CDH12: variants seen among roughly 807,000 people sequenced by gnomAD.
CDH12 encodes cadherin-12.
CDH12 carries 41 observed loss-of-function variants against 74.1 expected under a neutral mutation model. The observed-to-expected ratio is 0.55, with a 90% confidence interval of 0.43 to 0.72. The LOEUF (loss-of-function observed/expected upper bound fraction) is 0.72, where lower values mean the gene tolerates loss of function less well. Among genes scored for constraint, CDH12 ranks in the 30% least tolerant of loss-of-function variants. The pLI is 0.00. For missense variants in CDH12, 945 were observed against 977.2 expected (o/e 0.97, Z 0.44); for synonymous variants, 399 against 355.0 (o/e 1.12, Z -1.39).
chr5:21,750,737 C>G lies in CDH12; in HGVS notation c.*1000G>C, dbSNP rs1055912130. 7.2e-5 allele frequency: 11 copies of G among 152,058 alleles called. No individual in the cohort carries two copies. The highest frequency in any genetic ancestry group is 7.2e-4 in the Admixed American group (11 of 15,242). The allele number at this position is 152,058 out of a possible 1,614,324, so 9.4% of individuals were successfully genotyped here. ...CTCTGAGAAACTGTATAATGAATTTCTCTTTCCATGCTTAAATGAATGGCA... is the reference window on the plus strand; with the variant it reads ...CTCTGAGAAACTGTATAATGAATTTGTCTTTCCATGCTTAAATGAATGGCA... On this transcript the variant is annotated 3_prime_UTR_variant, in exon 15 of 15. Coordinates refer to ENST00000382254, the MANE Select transcript of CDH12 (RefSeq NM_004061.5).
At chr5:21,920,530 G>A (rs954733100) in intron 6 of CDH12, among the ~76,000 whole-genome samples, 1 of 152,048 alleles carries the variant, frequency 6.6e-6, no homozygotes, top group Admixed American at 6.6e-5. Context: ...GCCTGTCAGG[G>A]TGTGGGGGCC....
intron 1 of CDH12, among the ~76,000 whole-genome samples, chr5:22,641,160 T>C (rs1739129114): frequency 1.3e-5 from 2 of 152,148 alleles, no homozygotes; most frequent in African/African-American, 4.8e-5. Flanking sequence ...TACAAAAGGC[T>C]GTCTGCAAAC....
At chr5:21,865,080 C>G (rs1751256124) in intron 6 of CDH12, among the ~76,000 whole-genome samples, 1 of 151,992 alleles carries the variant, frequency 6.6e-6, no homozygotes, top group African/African-American at 2.4e-5. Flanking sequence ...TTTCAAATAA[C>G]TGGTAGAATT....
chr5:22,696,868 C>T (rs1386750743), intron 1 of CDH12, among the ~76,000 whole-genome samples: 3 of 151,906 alleles, frequency 2.0e-5, no homozygotes. Context: ...AATTCCATTT[C>T]TATTGAAACA....
intron 1 of CDH12, among the ~76,000 whole-genome samples, chr5:22,781,785 C>G (rs1747396920): frequency 6.6e-6 from 1 of 152,022 alleles, no homozygotes; most frequent in African/African-American, 2.4e-5. Flanking sequence ...GAATAGCAGA[C>G]AAGGGATTGG....
chr5:21,908,308 T>C (rs1347950511), intron 6 of CDH12, among the ~76,000 whole-genome samples: 1 of 152,200 alleles, frequency 6.6e-6, no homozygotes, highest in East Asian at 1.9e-4. Context: ...AGGACAATGT[T>C]ATGTAACAAA....
At chr5:21,783,625 T>A in intron 10 of CDH12, 131 bp from the exon 11 acceptor site, 1 of 656,180 alleles carries the variant, frequency 1.5e-6, no homozygotes, top group South Asian at 1.9e-5. Context: ...AAGAAGACTG[T>A]AAATGACAGC....
intron 1 of CDH12, among the ~76,000 whole-genome samples, chr5:22,771,646 G>A (rs2126311368): frequency 6.6e-6 from 1 of 152,086 alleles, no homozygotes; most frequent in African/African-American, 2.4e-5. Context: ...ATTTGTAACA[G>A]AAGTAACAAT....
intron 5 of CDH12, among the ~76,000 whole-genome samples, chr5:22,038,858 A>T (rs1446766073): frequency 6.6e-6 from 1 of 152,138 alleles, no homozygotes; most frequent in African/African-American, 2.4e-5. Flanking sequence ...AGAAAACCAG[A>T]ACACCAACTA....
At chr5:22,735,903 A>G (rs1336452951) in intron 1 of CDH12, among the ~76,000 whole-genome samples, 1 of 151,910 alleles carries the variant, frequency 6.6e-6, no homozygotes, top group African/African-American at 2.4e-5. Context: ...GTTATAAGAT[A>G]GTCTTTAAGA....
intron 4 of CDH12, among the ~76,000 whole-genome samples, chr5:22,131,970 T>G (rs530674602): frequency 6.6e-6 from 1 of 152,228 alleles, no homozygotes; most frequent in African/African-American, 2.4e-5. Flanking sequence ...AAAGGAAAAC[T>G]TAAGTTCTTC....
intron 3 of CDH12, among the ~76,000 whole-genome samples, chr5:22,265,041 G>T (rs1039600375): frequency 2.0e-5 from 3 of 152,140 alleles, no homozygotes; most frequent in African/African-American, 7.2e-5. Context: ...TTGTTAGCAT[G>T]AAGTTTCTTA....
At chr5:22,163,600 C>T (rs1748489082) in intron 4 of CDH12, among the ~76,000 whole-genome samples, 1 of 152,086 alleles carries the variant, frequency 6.6e-6, no homozygotes, top group Admixed American at 6.6e-5. Flanking sequence ...CCCAAATATT[C>T]ATAATTTGAA....
chr5:21,792,073 T>A (rs1746529434), intron 10 of CDH12, among the ~76,000 whole-genome samples: 1 of 151,984 alleles, frequency 6.6e-6, no homozygotes, highest in Non-Finnish European at 1.5e-5. Context: ...GATCAAACTG[T>A]CTTTACTCTT....
intron 2 of CDH12, among the ~76,000 whole-genome samples, chr5:22,432,627 A>T (rs1744220851): frequency 6.6e-6 from 1 of 152,000 alleles, no homozygotes; most frequent in Non-Finnish European, 1.5e-5. Context: ...ATTATCAAAG[A>T]TTGTAATCTT....
chr5:22,570,345 G>A (rs887974132), intron 1 of CDH12, among the ~76,000 whole-genome samples: 4 of 151,976 alleles, frequency 2.6e-5, no homozygotes, highest in African/African-American at 7.3e-5. Context: ...CACTGTGCCC[G>A]GCCATGAAAT....
At chr5:22,209,895 A>G (rs1751432830) in intron 4 of CDH12, among the ~76,000 whole-genome samples, 1 of 152,142 alleles carries the variant, frequency 6.6e-6, no homozygotes, top group Admixed American at 6.5e-5. Context: ...TATAGAGTGT[A>G]TGAGTTTTAA....
intron 1 of CDH12, among the ~76,000 whole-genome samples, chr5:22,713,195 C>T (rs939865139): frequency 2.5e-5 from 3 of 121,760 alleles, no homozygotes; most frequent in East Asian, 5.2e-4. Context: ...ATCTGGAGTG[C>T]AGTGGTACGA....
chr5:21,861,904 G>GTGTA (rs1751066755), intron 6 of CDH12, among the ~76,000 whole-genome samples: 1 of 150,952 alleles, frequency 6.6e-6, no homozygotes, highest in African/African-American at 2.4e-5. Context: ...TTTCTAGTGT[G>GTGTA]TGTGTGTGTG....
Sources: allele counts gnomAD v4.1 joint callset (sites outside exome capture counted in the v4.1 genomes callset), GRCh38; gene constraint gnomAD v4.1.1; transcripts MANE v1.5; gene names NCBI Gene and HGNC (gene_info 2026-07-23, HGNC 2026-07-21).